FSTL5: variants seen among roughly 807,000 people sequenced by gnomAD.
FSTL5 encodes follistatin like 5.
A neutral mutation model predicts 89.1 loss-of-function variants in FSTL5; 62 were observed. The ratio of observed to expected loss-of-function variants is 0.70; its 90% CI spans 0.57 to 0.86. FSTL5 has a LOEUF of 0.86. Ranked by LOEUF, FSTL5 falls within the 40% of genes least tolerant of loss-of-function variation. The pLI, the probability that FSTL5 is intolerant of heterozygous loss-of-function variation, is 0.00. For missense variants in FSTL5, 1,057 were observed against 1,001.6 expected, an observed-to-expected ratio of 1.06 and a Z score of -0.75; for synonymous variants, 383 against 346.2, an observed-to-expected ratio of 1.11 and a Z score of -1.18.
At position 161,662,753 on chromosome 4, in the gene FSTL5, C is replaced by G. The variant is rs143626925; in HGVS notation, c.728-6259G>C. On this transcript the variant is annotated intron_variant, in intron 6 of 15. Coordinates refer to ENST00000306100, the MANE Select transcript of FSTL5 (RefSeq NM_020116.5). ...GACACCAATCAATAGATTGAAGAAG[C>G]ACATCAAATTTCAAGCAAAGCGAAC... 4.0e-3 allele frequency among the ~76,000 whole-genome samples: 610 copies of G among 152,180 alleles called. 11 individuals are homozygous for G. Among genetic ancestry groups the G allele is most frequent in the Admixed American group, 0.034 (526 of 15,280 alleles).
At chr4:161,460,279 C>T (rs13151074) in intron 13 of FSTL5, among the ~76,000 whole-genome samples, 149,754 of 151,438 alleles carry the variant, frequency 0.99, 74,069 homozygotes, top group Middle Eastern at 1. Context: ...AGGGTACATA[C>T]GCACAACGTG....
chr4:162,111,433 A>G lies in FSTL5; in HGVS notation c.-16-21T>C, dbSNP rs777399910. The G allele has an allele frequency of 3.2e-6, 5 of 1,559,960 alleles. No individual in the cohort carries two copies. The East Asian group carries it at 9.1e-5, about 28-fold the overall frequency. On this transcript the variant is annotated intron_variant, in intron 1 of 15. Coordinates refer to ENST00000306100, the MANE Select transcript of FSTL5 (RefSeq NM_020116.5). ...TTCACCTGTCAAAATTAAAATTGCA[A>G]GGAATCAGAGAAAATGAATTATATA...
At chr4:161,434,252 CAT>C (rs1375574388) in intron 15 of FSTL5, among the ~76,000 whole-genome samples, 1 of 151,904 alleles carries the variant, frequency 6.6e-6, no homozygotes, top group Non-Finnish European at 1.5e-5. Flanking sequence ...AAGTCATACA[CAT>C]ATATACAGTA....
intron 8 of FSTL5, among the ~76,000 whole-genome samples, chr4:161,572,220 G>A (rs1479855555): frequency 2.0e-5 from 3 of 151,116 alleles, no homozygotes; most frequent in African/African-American, 7.3e-5. Flanking sequence ...TTGGGAGGCT[G>A]AGGCAGGAGA....
intron 6 of FSTL5, among the ~76,000 whole-genome samples, chr4:161,716,222 T>A (rs1163867328): frequency 6.6e-6 from 1 of 152,082 alleles, no homozygotes; most frequent in Non-Finnish European, 1.5e-5. Context: ...ACATCCTAGA[T>A]GTGTGCATGG....
At chr4:161,462,918 C>CA (rs34975751) in intron 13 of FSTL5, among the ~76,000 whole-genome samples, 73 of 149,916 alleles carry the variant, frequency 4.9e-4, no homozygotes, top group African/African-American at 1.6e-3. Context: ...ATGTGTGTCA[C>CA]AAAAAAAATA....
At chr4:161,719,496 T>C (rs930779763) in intron 6 of FSTL5, among the ~76,000 whole-genome samples, 1 of 152,196 alleles carries the variant, frequency 6.6e-6, no homozygotes, top group African/African-American at 2.4e-5. Context: ...TTTAGAATAG[T>C]GTTTTCTATT....
chr4:161,426,317 G>A (rs1732166389), intron 15 of FSTL5, among the ~76,000 whole-genome samples: 1 of 152,124 alleles, frequency 6.6e-6, no homozygotes, highest in South Asian at 2.1e-4. Context: ...TAAACAGTAT[G>A]ATAAATGCTT....
Position 161,656,482 on chromosome 4 carries a change from A to T in FSTL5, c.740T>A (p.Leu247Ter). 6.3e-7 allele frequency: 1 copy of T among 1,588,710 alleles called. No individual in the cohort carries two copies. The highest frequency in any genetic ancestry group is 8.6e-7 in the Non-Finnish European group (1 of 1,168,802). The change falls in exon 7 of 16, where the codon TTG (leucine) becomes TAG (stop). Residue 247 changes from leucine to a stop codon, truncating the protein, a stop_gained. Coordinates refer to ENST00000306100, the MANE Select transcript of FSTL5 (RefSeq NM_020116.5). LOFTEE classifies it high-confidence loss of function. ...TAGTTTCTGATCTTCTGGCAGACTC[A>T]ACTGGATCACTTCTGTAAAGATGAA... ...EFYRAFQVIQLSLPEDQKLSI... is the reference protein window; with the variant it reads ...EFYRAFQVIQ
intron 4 of FSTL5, among the ~76,000 whole-genome samples, chr4:161,849,725 C>A (rs548135053): frequency 6.6e-6 from 1 of 151,786 alleles, no homozygotes; most frequent in Non-Finnish European, 1.5e-5. Flanking sequence ...GAATATGAGA[C>A]AAACAAATAC....
intron 6 of FSTL5, among the ~76,000 whole-genome samples, chr4:161,671,510 A>G (rs1737113191): frequency 1.3e-5 from 2 of 152,208 alleles, no homozygotes; most frequent in Non-Finnish European, 2.9e-5. Context: ...TTGCCTATTC[A>G]TTGAAACATT....
At position 161,905,037 on chromosome 4, in the gene FSTL5, C is replaced by G. The variant is rs948192808; in HGVS notation, c.409+15367G>C. On this transcript the variant is annotated intron_variant, in intron 4 of 15. Coordinates refer to ENST00000306100, the MANE Select transcript of FSTL5 (RefSeq NM_020116.5). ...GGCAGTTGGAGACATTATGCTTTAA[C>G]AAGCCTAATATCATGAATTTATCAT... Among the ~76,000 whole-genome samples, 4 of 151,952 alleles carry G rather than the reference C, an allele frequency of 2.6e-5. 1 individual carries two copies. The highest frequency in any genetic ancestry group is 2.1e-4 in the South Asian group (1 of 4,830).
intron 4 of FSTL5, among the ~76,000 whole-genome samples, chr4:161,882,907 G>A (rs1443162495): frequency 6.6e-6 from 1 of 152,026 alleles, no homozygotes; most frequent in African/African-American, 2.4e-5. Context: ...ATGATTCATT[G>A]CAATATATGA....
intron 5 of FSTL5, among the ~76,000 whole-genome samples, chr4:161,766,345 A>C (rs1740997872): frequency 6.6e-6 from 1 of 152,132 alleles, no homozygotes; most frequent in Non-Finnish European, 1.5e-5. Flanking sequence ...CATTCTACCA[A>C]GTGAAGCCTG....
At chr4:161,416,631 T>A (rs1412858557) in intron 15 of FSTL5, among the ~76,000 whole-genome samples, 1 of 152,048 alleles carries the variant, frequency 6.6e-6, no homozygotes, top group Non-Finnish European at 1.5e-5. Context: ...GATCACAAGA[T>A]CAGGAGATGG....
At chr4:161,910,749 T>A (rs1733666643) in intron 4 of FSTL5, among the ~76,000 whole-genome samples, 1 of 152,194 alleles carries the variant, frequency 6.6e-6, no homozygotes, top group Non-Finnish European at 1.5e-5. Flanking sequence ...AGCTTGCTTC[T>A]TCATACTAAT....
At chr4:162,095,905 G>C (rs1222525258) in intron 2 of FSTL5, among the ~76,000 whole-genome samples, 3 of 151,846 alleles carry the variant, frequency 2.0e-5, no homozygotes. Context: ...AAGTACATTA[G>C]AAAAATATAT....
At chr4:162,016,941 AG>A (rs1230451216) in intron 3 of FSTL5, among the ~76,000 whole-genome samples, 1 of 152,234 alleles carries the variant, frequency 6.6e-6, no homozygotes, top group Non-Finnish European at 1.5e-5. Context: ...TGATTGAAAC[AG>A]GATTTGTAAA....
chr4:161,775,700 T>G (rs1741383447), intron 5 of FSTL5, among the ~76,000 whole-genome samples, 178 bp downstream of exon 5: 1 of 152,074 alleles, frequency 6.6e-6, no homozygotes, highest in South Asian at 2.1e-4. Flanking sequence ...TAAATGTTAC[T>G]TGAAATTAAT....
Sources: allele counts gnomAD v4.1 joint callset (sites outside exome capture counted in the v4.1 genomes callset), GRCh38; gene constraint gnomAD v4.1.1; transcripts MANE v1.5; gene names NCBI Gene and HGNC (gene_info 2026-07-23, HGNC 2026-07-21).